The following FARP1 variants were observed in gnomAD, a reference collection of about 807,000 sequenced individuals.
FARP1 encodes FERM, ARH/RhoGEF and pleckstrin domain protein 1, also known as FERM, ARHGEF and pleckstrin domain-containing protein 1.
Under a neutral mutation model 128.8 loss-of-function variants are expected in FARP1, and 52 were observed. The observed-to-expected ratio is 0.40, with a 90% confidence interval of 0.32 to 0.51. The LOEUF (loss-of-function observed/expected upper bound fraction) is 0.51, where lower values mean the gene tolerates loss of function less well. Among genes scored for constraint, FARP1 ranks in the 20% least tolerant of loss-of-function variants. The pLI is 0.45. For missense variants in FARP1, 1,333 were observed against 1,367.9 expected (o/e 0.97, Z 0.40); for synonymous variants, 580 against 551.8 (o/e 1.05, Z -0.72).
chr13:98,323,880 A>T (rs990007658), intron 2 of FARP1, among the ~76,000 whole-genome samples: 3 of 152,196 alleles, frequency 2.0e-5, no homozygotes, highest in Non-Finnish European at 4.4e-5. Context: ...AGTGTCAACA[A>T]TTTTTTTAAA....
In FARP1 at chr13:98,452,874, TG is replaced by T. The variant is rs1460617433; in HGVS notation, c.*4558del. 1 of 316,730 alleles carries T rather than the reference TG, an allele frequency of 3.2e-6. No homozygotes were observed. The highest frequency in any genetic ancestry group is 5.8e-6 in the Non-Finnish European group (1 of 173,554). The allele number at this position is 316,730 out of a possible 1,614,324, so 19.6% of individuals were successfully genotyped here. A position where few individuals can be genotyped will look rare whatever the true frequency, so the allele number is the denominator to read the frequency against. On this transcript the variant is annotated 3_prime_UTR_variant, in exon 27 of 27. Transcript: ENST00000319562. ...AAATATACATTTCAGGGTTTGTTTT[TG>T]TTTTTAAAGACACTTTCCTGGAATA...
At chr13:98,404,998 A>C (rs1163135220) in intron 13 of FARP1, 2 of 152,230 alleles carry the variant, frequency 1.3e-5, no homozygotes, top group Non-Finnish European at 2.9e-5. Flanking sequence ...AGGTACAGTT[A>C]AGTACTAGAA....
rs370458223 is a variant in FARP1 at position 98,302,052 on chromosome 13, G to A, written c.172-41710G>A. ...CAAAATTGACCCCGTACACAGACTG[G>A]CTCTGTACCCATTAACTTCCCTGCA... On this transcript the variant is annotated intron_variant, in intron 2 of 26. Transcript: ENST00000319562. Among the ~76,000 whole-genome samples, 6 of 152,160 alleles carry A rather than the reference G, an allele frequency of 3.9e-5. No individual in the cohort carries two copies. In the South Asian group the frequency reaches 1.2e-3, roughly 32 times the overall value.
chr13:98,453,340 C>A lies in FARP1; in HGVS notation c.*5023C>A, dbSNP rs1283640622. On this transcript the variant is annotated 3_prime_UTR_variant, in exon 27 of 27. Coordinates refer to ENST00000319562, the MANE Select transcript of FARP1 (RefSeq NM_005766.4). ...ATACAAAAATAAGTGGAGCAAATAT[C>A]AATGTGTAAGTCTAATTTTAAAAGA... 76 of 879,746 alleles carry A rather than the reference C, an allele frequency of 8.6e-5. No homozygotes were observed. The highest frequency in any genetic ancestry group is 1.3e-4 in the Non-Finnish European group (72 of 562,788). The allele number at this position is 879,746 out of a possible 1,614,324, so 54.5% of individuals were successfully genotyped here.
rs577222746 is a variant in FARP1 at position 98,362,309 on chromosome 13, C to A, written c.277-3086C>A. On this transcript the variant is annotated intron_variant, in intron 3 of 26. Transcript: ENST00000319562. The stretch of plus-strand genomic sequence containing the variant: ...TACCTGATTCCCCAGCCAGCTACCC[C>A]CCATTCTGTTGCCTCTTGCTTCACA... 2.0e-5 allele frequency among the ~76,000 whole-genome samples: 3 copies of A among 152,302 alleles called. No individual in the cohort carries two copies. The East Asian group carries it at 5.8e-4, about 29-fold the overall frequency.
At chr13:98,427,718 C>T (rs537114083) in intron 17 of FARP1, among the ~76,000 whole-genome samples, 8 of 152,228 alleles carry the variant, frequency 5.3e-5, no homozygotes, top group South Asian at 2.1e-4. Context: ...CCGCTCCTGG[C>T]GTTCTTTCTC....
chr13:98,399,420 T>G (rs9584834), intron 13 of FARP1: 1 of 152,196 alleles, frequency 6.6e-6, no homozygotes, highest in African/African-American at 2.4e-5. Context: ...TTGGGGAGAC[T>G]CCAGTCCCCC....
intron 1 of FARP1, among the ~76,000 whole-genome samples, chr13:98,157,597 A>T (rs1338127247): frequency 6.6e-6 from 1 of 152,156 alleles, no homozygotes; most frequent in Non-Finnish European, 1.5e-5. Context: ...GAACATTTGA[A>T]GTCCTAGGCT....
chr13:98,420,712 G>T (rs1566307332), intron 16 of FARP1, among the ~76,000 whole-genome samples: 2 of 152,214 alleles, frequency 1.3e-5, no homozygotes, highest in African/African-American at 2.4e-5. Context: ...CAATAAATAT[G>T]TGGCCCTGCC....
chr13:98,143,458 G>C lies in FARP1; in HGVS notation c.-58G>C, dbSNP rs1364206371. 1 of 150,520 alleles carries C rather than the reference G, an allele frequency of 6.6e-6. No individual in the cohort carries two copies. The highest frequency in any genetic ancestry group is 1.5e-5 in the Non-Finnish European group (1 of 67,266). The allele number at this position is 150,520 out of a possible 1,614,324, so 9.3% of individuals were successfully genotyped here. A position where few individuals can be genotyped will look rare whatever the true frequency, so the allele number is the denominator to read the frequency against. On this transcript the variant is annotated 5_prime_UTR_variant, in exon 1 of 27. Coordinates refer to ENST00000319562, the MANE Select transcript of FARP1 (RefSeq NM_005766.4). The stretch of plus-strand genomic sequence containing the variant: ...CCGCCGATCCCGGAGCCCGAGCCGG[G>C]AGAGGGAGCCGCCGCAGCCGCCGGC...
Position 98,378,308 on chromosome 13 carries a change from T to C in FARP1, c.496+390T>C, listed in dbSNP as rs1028399177. Among the ~76,000 whole-genome samples, 27 of 152,360 alleles carry C rather than the reference T, an allele frequency of 1.8e-4. 1 individual carries two copies. Among genetic ancestry groups the C allele is most frequent in the African/African-American group, 6.3e-4 (26 of 41,592 alleles). On this transcript the variant is annotated intron_variant, in intron 6 of 26. Transcript: ENST00000319562. ...TTAAGACATAATACTGCCACCGATT[T>C]CACTTCTCTCTAGAGATTTTTGCTC...
chr13:98,145,047 A>G (rs975780066), intron 1 of FARP1, among the ~76,000 whole-genome samples: 3 of 152,202 alleles, frequency 2.0e-5, no homozygotes, highest in African/African-American at 7.2e-5. Context: ...TGTTTTTAGA[A>G]TGTCTGGCTA....
Position 98,454,902 on chromosome 13 carries a change from G to GC in FARP1, c.*6586dup, listed in dbSNP as rs1468603378. ...CCTCATCACAGACAAAGGAAAGAGA[G>GC]CACCAACTTGGCTTCCCCCATGCAT... On this transcript the variant is annotated 3_prime_UTR_variant, in exon 27 of 27. Transcript: ENST00000319562. 6.6e-6 allele frequency: 1 copy of GC among 152,292 alleles called. No homozygotes were observed. The highest frequency in any genetic ancestry group is 1.5e-5 in the Non-Finnish European group (1 of 68,102). The allele number at this position is 152,292 out of a possible 1,614,324, so 9.4% of individuals were successfully genotyped here.
intron 2 of FARP1, among the ~76,000 whole-genome samples, chr13:98,259,413 G>A (rs1279337723): frequency 6.7e-6 from 1 of 149,268 alleles, no homozygotes; most frequent in African/African-American, 2.6e-5. Context: ...CCTTAGAAAT[G>A]TCCTTAGGTG....
intron 13 of FARP1, 62 bp downstream of exon 13, chr13:98,395,538 C>T (rs994532419): frequency 4.7e-6 from 7 of 1,499,798 alleles, no homozygotes; most frequent in Middle Eastern, 2.1e-4. Flanking sequence ...ACTGCAGTGA[C>T]GTAGATAGCG....
At chr13:98,239,465 G>A (rs532531871) in intron 2 of FARP1, among the ~76,000 whole-genome samples, 14 of 152,072 alleles carry the variant, frequency 9.2e-5, no homozygotes, top group Non-Finnish European at 1.5e-4. Flanking sequence ...ATTTTATCCA[G>A]CATTTTTAGC....
chr13:98,268,922 A>T (rs1594341386), intron 2 of FARP1, among the ~76,000 whole-genome samples: 1 of 151,106 alleles, frequency 6.6e-6, no homozygotes, highest in East Asian at 1.9e-4. Context: ...TGTAGAAACG[A>T]GGTTTCGCCA....
chr13:98,415,297 A>T (rs564971074), intron 16 of FARP1, among the ~76,000 whole-genome samples: 10 of 152,346 alleles, frequency 6.6e-5, no homozygotes, highest in African/African-American at 2.2e-4. Flanking sequence ...GGTGATCGTG[A>T]TGAATACCTT....
intron 2 of FARP1, among the ~76,000 whole-genome samples, chr13:98,214,536 G>T (rs980913768): frequency 6.6e-6 from 1 of 152,132 alleles, no homozygotes; most frequent in African/African-American, 2.4e-5. Flanking sequence ...TTAGTAGTCG[G>T]CATTAACGTT....
Sources: allele counts gnomAD v4.1 joint callset (sites outside exome capture counted in the v4.1 genomes callset), GRCh38; gene constraint gnomAD v4.1.1; transcripts MANE v1.5; gene names NCBI Gene and HGNC (gene_info 2026-07-23, HGNC 2026-07-21).